The following POU2F3 variants were observed in gnomAD, a reference collection of about 807,000 sequenced individuals.
POU2F3 encodes POU domain, class 2, transcription factor 3.
A neutral mutation model predicts 59.2 loss-of-function variants in POU2F3; 23 were observed. The observed-to-expected ratio is 0.39, with a 90% CI of 0.28 to 0.55. POU2F3 has a LOEUF of 0.55. Ranked by LOEUF, POU2F3 falls within the 20% of genes least tolerant of loss-of-function variation. The probability of loss-of-function intolerance (pLI) is 0.66; values close to 1 mark genes in which losing one functional copy is unlikely to be tolerated. For missense variants in POU2F3, 473 were observed against 544.5 expected (o/e 0.87, Z 1.31); for synonymous variants, 190 against 214.6 (o/e 0.89, Z 1.00).
At chr11:120,241,337 A>C (rs759554181) in intron 1 of POU2F3, among the ~76,000 whole-genome samples, 2 of 152,090 alleles carry the variant, frequency 1.3e-5, no homozygotes, top group Non-Finnish European at 2.9e-5. Context: ...AGTAGGGAGG[A>C]GGCAATGCTC....
intron 3 of POU2F3, among the ~76,000 whole-genome samples, chr11:120,281,805 A>G (rs1210326296): frequency 6.6e-6 from 1 of 152,080 alleles, no homozygotes; most frequent in East Asian, 1.9e-4. Context: ...CACCAACACA[A>G]TCTGTGTAAC....
intron 2 of POU2F3, among the ~76,000 whole-genome samples, chr11:120,251,814 T>G (rs1346755765): frequency 4.1e-5 from 6 of 146,510 alleles, no homozygotes. Flanking sequence ...TTTTTTTTTT[T>G]GACAGAGTCT....
intron 10 of POU2F3, among the ~76,000 whole-genome samples, chr11:120,311,392 C>T (rs1368301247): frequency 1.3e-5 from 2 of 151,910 alleles, no homozygotes; most frequent in Non-Finnish European, 2.9e-5. Context: ...GGCAAAGCAA[C>T]CCCATGAGGT....
intron 3 of POU2F3, 26 bp downstream of exon 3, chr11:120,269,270 G>A (rs371055763): frequency 8.3e-5 from 129 of 1,557,304 alleles, no homozygotes; most frequent in Non-Finnish European, 1.1e-4. Context: ...AGAAAGAAAC[G>A]TTTATTCTAT....
At chr11:120,288,086 C>T (rs1275551488) in intron 3 of POU2F3, among the ~76,000 whole-genome samples, 1 of 78,172 alleles carries the variant, frequency 1.3e-5, no homozygotes, top group African/African-American at 6.0e-5. Context: ...GAGCTCAGAG[C>T]TGAAAAAAAA....
In POU2F3 at chr11:120,318,652, C is replaced by T; in HGVS notation, c.*260C>T. 1 of 413,532 alleles carries T rather than the reference C, an allele frequency of 2.4e-6. No homozygotes were observed. Among genetic ancestry groups the T allele is most frequent in the Non-Finnish European group, 4.3e-6 (1 of 234,492 alleles). 25.6% of individuals were successfully genotyped at this position (413,532 alleles called of 1,614,324 possible). A position where few individuals can be genotyped will look rare whatever the true frequency, so the allele number is the denominator to read the frequency against. On this transcript the variant is annotated 3_prime_UTR_variant, in exon 13 of 13. Transcript: ENST00000543440. ...CCATTTTCACCTTCCTTGCCTATGC[C>T]CTTGCCTTCTAGTTCCAAATATTTT... is the stretch of plus-strand genomic sequence containing the variant.
At chr11:120,314,930 G>T (rs1300602748) in intron 10 of POU2F3, among the ~76,000 whole-genome samples, 1 of 152,198 alleles carries the variant, frequency 6.6e-6, no homozygotes, top group Non-Finnish European at 1.5e-5. Context: ...GAGCAACCCT[G>T]CTGTCCTCAG....
chr11:120,309,655 G>C, intron 10 of POU2F3, 69 bp downstream of exon 10: 5 of 1,546,052 alleles, frequency 3.2e-6, no homozygotes, highest in Non-Finnish European at 4.4e-6. Flanking sequence ...GGAAGGTGGT[G>C]GCTGCAGGGA....
At chr11:120,307,953 C>G (rs1941545807) in intron 9 of POU2F3, among the ~76,000 whole-genome samples, 1 of 152,164 alleles carries the variant, frequency 6.6e-6, no homozygotes, top group Non-Finnish European at 1.5e-5. Flanking sequence ...GGAGCAAAGT[C>G]AGGGGATTGT....
intron 1 of POU2F3, among the ~76,000 whole-genome samples, chr11:120,244,002 T>A (rs1031035497): frequency 1.3e-5 from 2 of 152,170 alleles, no homozygotes; most frequent in Non-Finnish European, 2.9e-5. Flanking sequence ...ATGAAGGTGA[T>A]GTGGAGAATG....
chr11:120,309,376 C>A (rs1161416381), intron 9 of POU2F3, 49 bp from the exon 10 acceptor site: 9 of 1,531,494 alleles, frequency 5.9e-6, no homozygotes, highest in Non-Finnish European at 8.1e-6. Context: ...CTGTTCCCTG[C>A]CCCTGATTCC....
rs758163721 is a variant in POU2F3 at position 120,275,524 on chromosome 11, G to A, written c.132+6280G>A. Among the ~76,000 whole-genome samples, 7 of 152,176 alleles carry A rather than the reference G, an allele frequency of 4.6e-5. 1 individual carries two copies. In the South Asian group the frequency reaches 6.2e-4, roughly 14 times the overall value. On this transcript the variant is annotated intron_variant, in intron 3 of 12. Transcript: ENST00000543440. ...GGTGGCCTCACACCTGCTCTGTTCC[G>A]GTAACTTCTGGAACCCTCATCTTCC...
chr11:120,244,490 C>T (rs1047599730), intron 1 of POU2F3, among the ~76,000 whole-genome samples: 2 of 152,126 alleles, frequency 1.3e-5, no homozygotes, highest in African/African-American at 2.4e-5. Flanking sequence ...AATTCACATC[C>T]GAATATGTGG....
chr11:120,246,855 G>A (rs1364406715), intron 2 of POU2F3, among the ~76,000 whole-genome samples: 1 of 152,160 alleles, frequency 6.6e-6, no homozygotes, highest in Admixed American at 6.5e-5. Context: ...TGGGGACAAG[G>A]CCTTTTAGCC....
rs182733899 is a variant in POU2F3 at position 120,296,793 on chromosome 11, A to G, written c.133-1472A>G. On this transcript the variant is annotated intron_variant, in intron 3 of 12. Transcript: ENST00000543440. ...ATACCGCATTTTCTTTATCCAGTCT[A>G]TCATTGACTGGCATTTAGGTTGATT... 2.8e-4 allele frequency among the ~76,000 whole-genome samples: 42 copies of G among 152,280 alleles called. No individual in the cohort carries two copies. In the East Asian group the frequency reaches 7.5e-3, roughly 27 times the overall value.
At chr11:120,279,248 G>T (rs1019869859) in intron 3 of POU2F3, among the ~76,000 whole-genome samples, 1 of 152,118 alleles carries the variant, frequency 6.6e-6, no homozygotes, top group Admixed American at 6.5e-5. Context: ...GGGTCATATT[G>T]TCTGTATTGG....
At position 120,317,978 on chromosome 11, in the gene POU2F3, C is replaced by A. The variant is rs543675680; in HGVS notation, c.1272-375C>A. 4.6e-5 allele frequency among the ~76,000 whole-genome samples: 7 copies of A among 152,236 alleles called. No individual in the cohort carries two copies. The South Asian group carries it at 1.0e-3, about 23-fold the overall frequency. On this transcript the variant is annotated intron_variant, in intron 12 of 12. Transcript: ENST00000543440. ...CCTGAGTTCGTCAGAAAAGATGAAC[C>A]CAGCTGTCCAAATCCAGGCGGTTCA...
intron 1 of POU2F3, among the ~76,000 whole-genome samples, chr11:120,242,410 TC>T (rs1938703058): frequency 6.6e-6 from 1 of 152,150 alleles, no homozygotes; most frequent in Non-Finnish European, 1.5e-5. Context: ...TCATTATGGG[TC>T]CCTCTCTAGG....
intron 7 of POU2F3, 126 bp downstream of exon 7, chr11:120,305,338 G>T: frequency 8.7e-7 from 1 of 1,143,038 alleles, no homozygotes. Context: ...ATGTCCCTGA[G>T]TTCTCTGAGA....
Sources: gnomAD v4.1 joint callset for allele counts (sites outside exome capture counted in the v4.1 genomes callset) on GRCh38, gnomAD v4.1.1 for gene constraint, MANE v1.5 for transcripts, NCBI Gene and HGNC (gene_info 2026-07-23, HGNC 2026-07-21) for gene names.